The following THSD4 variants were observed in gnomAD, a reference collection of about 807,000 sequenced individuals.
THSD4 encodes thrombospondin type 1 domain containing 4.
Under a neutral mutation model 119.0 loss-of-function variants are expected in THSD4, and 69 were observed. The ratio of observed to expected loss-of-function variants is 0.58; its 90% confidence interval spans 0.48 to 0.71. The LOEUF is 0.71. Ranked by LOEUF, THSD4 falls within the 30% of genes least tolerant of loss-of-function variation. The pLI, the probability that THSD4 is intolerant of heterozygous loss-of-function variation, is 0.00. For synonymous variants in THSD4, 524 were observed against 540.4 expected (o/e 0.97, Z 0.42); for missense variants, 1,393 against 1,391.1 (o/e 1.00, Z -0.02).
At chr15:71,315,519 A>G (rs1295007509) in intron 6 of THSD4, among the ~76,000 whole-genome samples, 1 of 152,218 alleles carries the variant, frequency 6.6e-6, no homozygotes, top group Admixed American at 6.5e-5. Context: ...AGAATTCCAA[A>G]TGGGAAGGAA....
chr15:71,409,277 A>C (rs1002783786), intron 6 of THSD4, among the ~76,000 whole-genome samples: 2 of 152,050 alleles, frequency 1.3e-5, no homozygotes, highest in African/African-American at 4.8e-5. Flanking sequence ...AGAAGTGAGG[A>C]CCCAAAACCC....
intron 7 of THSD4, among the ~76,000 whole-genome samples, chr15:71,631,668 C>T (rs2050630990): frequency 6.6e-6 from 1 of 152,162 alleles, no homozygotes; most frequent in Non-Finnish European, 1.5e-5. Context: ...GCCGAAATAG[C>T]CCAGGAGGGC....
intron 6 of THSD4, among the ~76,000 whole-genome samples, chr15:71,336,514 T>G (rs755723484): frequency 2.8e-4 from 43 of 152,212 alleles, no homozygotes; most frequent in Non-Finnish European, 5.6e-4. Context: ...GTATCCAGAA[T>G]GTTTGGAGTT....
intron 16 of THSD4, among the ~76,000 whole-genome samples, chr15:71,770,554 C>G (rs2053803534): frequency 6.6e-6 from 1 of 151,962 alleles, no homozygotes; most frequent in Non-Finnish European, 1.5e-5. Flanking sequence ...ACTGGGGAGG[C>G]TGAGGCAGCA....
At chr15:71,552,592 G>C (rs894901641) in intron 7 of THSD4, among the ~76,000 whole-genome samples, 2 of 152,316 alleles carry the variant, frequency 1.3e-5, no homozygotes, top group African/African-American at 2.4e-5. Context: ...CCAAGTTTGA[G>C]CTTTGGGTCA....
At chr15:71,636,534 G>T (rs950220069) in intron 7 of THSD4, among the ~76,000 whole-genome samples, 1 of 152,158 alleles carries the variant, frequency 6.6e-6, no homozygotes, top group African/African-American at 2.4e-5. Flanking sequence ...TAGTTTAGGG[G>T]TATTCTGCAC....
intron 7 of THSD4, among the ~76,000 whole-genome samples, chr15:71,451,991 G>A (rs1031626667): frequency 5.3e-5 from 8 of 152,108 alleles, no homozygotes; most frequent in African/African-American, 1.9e-4. Context: ...CACTGTTGAG[G>A]GTTGGTGGAC....
chr15:71,731,088 C>A, intron 9 of THSD4, 33 bp from the exon 10 acceptor site: 1 of 1,610,314 alleles, frequency 6.2e-7, no homozygotes, highest in South Asian at 1.1e-5. Context: ...GCATACGTGC[C>A]AAGTGCGGTA....
intron 7 of THSD4, among the ~76,000 whole-genome samples, chr15:71,651,310 C>T (rs2140980812): frequency 6.6e-6 from 1 of 152,330 alleles, no homozygotes; most frequent in East Asian, 1.9e-4. Context: ...TCACTTTGTG[C>T]CCATCTTAAT....
intron 6 of THSD4, among the ~76,000 whole-genome samples, chr15:71,279,784 TA>T (rs5813623): frequency 0.73 from 108,165 of 148,624 alleles, 39,576 homozygotes; most frequent in Middle Eastern, 0.83. Context: ...TTTTCCCCTT[TA>T]AAAAAAAAAA....
rs916682644 is a variant in THSD4, at chr15:71,615,450, G to A, written c.1153-45080G>A. ...AAGAAAATGAGAACCAGGGTAAGAA[G>A]GGAAATATGCATTTATAAATTTATA... On this transcript the variant is annotated intron_variant, in intron 7 of 17. Transcript: ENST00000261862. Among the ~76,000 whole-genome samples the A allele has an allele frequency of 1.6e-4, 25 of 151,936 alleles. 1 individual carries two copies. The highest frequency in any genetic ancestry group is 5.8e-4 in the African/African-American group (24 of 41,370).
At chr15:71,389,152 A>G (rs979837791) in intron 6 of THSD4, among the ~76,000 whole-genome samples, 5 of 152,174 alleles carry the variant, frequency 3.3e-5, no homozygotes, top group Non-Finnish European at 5.9e-5. Flanking sequence ...GTGAAAATGG[A>G]TTAATCCACC....
chr15:71,237,569 A>G (rs2044115745), intron 4 of THSD4, among the ~76,000 whole-genome samples: 1 of 152,144 alleles, frequency 6.6e-6, no homozygotes, highest in African/African-American at 2.4e-5. Flanking sequence ...GCTTGTTACA[A>G]ATGAAGCAGA....
chr15:71,700,605 A>C (rs747190207), intron 8 of THSD4, among the ~76,000 whole-genome samples: 8 of 152,140 alleles, frequency 5.3e-5, no homozygotes, highest in Non-Finnish European at 1.0e-4. Flanking sequence ...AATGTTCAAG[A>C]GTAGCCAAAA....
chr15:71,552,042 T>C (rs1296889399), intron 7 of THSD4, among the ~76,000 whole-genome samples: 1 of 133,580 alleles, frequency 7.5e-6, no homozygotes, highest in Non-Finnish European at 1.8e-5. Flanking sequence ...GTAAGCACTT[T>C]AAGTGGGAAA....
In THSD4 at chr15:71,351,654, C is replaced by A. The variant is rs577093657; in HGVS notation, c.1016-60033C>A. 1.4e-4 allele frequency among the ~76,000 whole-genome samples: 21 copies of A among 152,314 alleles called. No homozygotes were observed. In the South Asian group the frequency reaches 3.3e-3, roughly 24 times the overall value. Reference sequence around the variant, plus strand: ...AAGGCTTACAAGCTCTAGGACACAGCGATCTCCAATGTCTTATTGAGACTG... The same window carrying A: ...AAGGCTTACAAGCTCTAGGACACAGAGATCTCCAATGTCTTATTGAGACTG... On this transcript the variant is annotated intron_variant, in intron 6 of 17. Coordinates refer to ENST00000261862, the MANE Select transcript of THSD4 (RefSeq NM_024817.3).
intron 6 of THSD4, among the ~76,000 whole-genome samples, chr15:71,260,920 G>A (rs554722708): frequency 6.6e-6 from 1 of 152,192 alleles, no homozygotes; most frequent in African/African-American, 2.4e-5. Context: ...GACCAACGTG[G>A]TGAAACCCCA....
chr15:71,343,383 C>A (rs1324381027), intron 6 of THSD4, among the ~76,000 whole-genome samples: 1 of 152,196 alleles, frequency 6.6e-6, no homozygotes, highest in African/African-American at 2.4e-5. Context: ...TATGCCATGA[C>A]AGATGACTGT....
chr15:71,242,835 G>A lies in THSD4; in HGVS notation c.651G>A (p.Gln217=). The A allele has an allele frequency of 6.2e-7, 1 of 1,614,190 alleles. No individual in the cohort carries two copies. Among genetic ancestry groups the A allele is most frequent in the Non-Finnish European group, 8.5e-7 (1 of 1,180,042 alleles). ...ATGGCTACAGTTCACCAGCCCACCA[G>A]GTCCCCCAACATGGGCCTTTGTACC... is the stretch of plus-strand genomic sequence containing the variant. ...ARHGYSSPAH[Q]VPQHGPLYQS... is the part of the protein sequence containing the mutation. Residue 217 remains glutamine (Q), a synonymous_variant, in exon 5 of 18, where the codon CAG becomes CAA. Coordinates refer to ENST00000261862, the MANE Select transcript of THSD4 (RefSeq NM_024817.3).
Sources: allele counts gnomAD v4.1 joint callset (sites outside exome capture counted in the v4.1 genomes callset), GRCh38; gene constraint gnomAD v4.1.1; transcripts MANE v1.5; gene names NCBI Gene and HGNC (gene_info 2026-07-23, HGNC 2026-07-21).